Variants in SEMA4A observed in about 807,000 individuals in gnomAD.
The protein encoded by SEMA4A is semaphorin 4A, also known as semaphorin-4A.
Under a neutral mutation model 72.5 loss-of-function variants are expected in SEMA4A, and 52 were observed. The ratio of observed to expected loss-of-function variants is 0.72; its 90% CI spans 0.57 to 0.90. The LOEUF (loss-of-function observed/expected upper bound fraction) is 0.90. SEMA4A is among the 40% of genes least tolerant of loss of function. The pLI is 0.00. For missense variants in SEMA4A, 926 were observed against 959.7 expected (o/e 0.96, Z 0.46); for synonymous variants, 369 against 393.1 (o/e 0.94, Z 0.73).
rs1655441927 is a variant in SEMA4A, at chr1:156,177,199, A to G, written c.*202A>G. On this transcript the variant is annotated 3_prime_UTR_variant, in exon 15 of 15. Coordinates refer to ENST00000368285, the MANE Select transcript of SEMA4A (RefSeq NM_022367.4). ...CTCCCCTATGGGACTCCCTTCTACCAAGCACATGAGCTCTCTAACAGGGTG... is the reference window on the plus strand; with the variant it reads ...CTCCCCTATGGGACTCCCTTCTACCGAGCACATGAGCTCTCTAACAGGGTG... The G allele has an allele frequency of 7.8e-6, 5 of 644,868 alleles. No individual in the cohort carries two copies. The Admixed American group carries it at 1.1e-4, about 15-fold the overall frequency. The allele number at this position is 644,868 out of a possible 1,614,324, so 39.9% of individuals were successfully genotyped here.
intron 9 of SEMA4A, 23 bp downstream of exon 9, chr1:156,161,541 G>A (rs1247911972): frequency 1.2e-6 from 2 of 1,613,002 alleles, no homozygotes; most frequent in African/African-American, 2.7e-5. Flanking sequence ...GCTGGACCAT[G>A]GGGGCTGGAC....
chr1:156,176,955 T>C lies in SEMA4A; in HGVS notation c.2244T>C (p.Asp748=). The C allele has an allele frequency of 6.2e-7, 1 of 1,613,440 alleles. No individual in the cohort carries two copies. Among genetic ancestry groups the C allele is most frequent in the Non-Finnish European group, 8.5e-7 (1 of 1,180,042 alleles). The change falls in exon 15 of 15, where the codon GAT becomes GAC. Residue 748 remains aspartate, a synonymous_variant. Coordinates refer to ENST00000368285, the MANE Select transcript of SEMA4A (RefSeq NM_022367.4). ...AGGAATGCAGGACCTCTGCCAGTGA[T>C]GTGGACGCTGACAACAACTGCCTAG... is the stretch of plus-strand genomic sequence containing the variant. ...SPKECRTSAS[D]VDADNNCLGT...
intron 10 of SEMA4A, among the ~76,000 whole-genome samples, chr1:156,164,932 C>T (rs1654024330): frequency 6.6e-6 from 1 of 152,000 alleles, no homozygotes; most frequent in African/African-American, 2.4e-5. Context: ...TCCCGAGTAG[C>T]TGGGATTACA....
At chr1:156,147,757 G>T (rs886222842), upstream of SEMA4A, among the ~76,000 whole-genome samples, 1 of 152,142 alleles carries the variant, frequency 6.6e-6, no homozygotes, top group African/African-American at 2.4e-5. Flanking sequence ...CTCCCCACAG[G>T]TGGGGAAATT....
At chr1:156,151,418 AT>A (rs2102921982), upstream of SEMA4A, among the ~76,000 whole-genome samples, 1 of 152,270 alleles carries the variant, frequency 6.6e-6, no homozygotes, top group South Asian at 2.1e-4. Flanking sequence ...TGCCCTTCCT[AT>A]TGCTGTTTTT....
intron 10 of SEMA4A, among the ~76,000 whole-genome samples, chr1:156,165,907 C>T (rs138806109): frequency 3.1e-4 from 35 of 112,916 alleles, no homozygotes; most frequent in Middle Eastern, 5.6e-3. Flanking sequence ...TTCCTATCTT[C>T]TTTTTTTTTT....
intron 10 of SEMA4A, among the ~76,000 whole-genome samples, chr1:156,172,047 G>A (rs747372880): frequency 1.3e-5 from 2 of 151,608 alleles, no homozygotes; most frequent in Non-Finnish European, 2.9e-5. Context: ...GCCTCCCAAA[G>A]TGTTGGGATT....
At chr1:156,175,269 C>G in intron 13 of SEMA4A, 26 bp downstream of exon 13, 1 of 1,598,176 alleles carries the variant, frequency 6.3e-7, no homozygotes, top group Non-Finnish European at 8.5e-7. Context: ...GGATGGTGGC[C>G]TGGATGGCCA....
chr1:156,163,443 C>T lies in SEMA4A; in HGVS notation c.1134+349C>T, dbSNP rs1012403603. 33 of 316,368 alleles carry T rather than the reference C, an allele frequency of 1.0e-4. 2 individuals carry two copies. Among genetic ancestry groups the T allele is most frequent in the Middle Eastern group, 1.1e-3 (1 of 922 alleles). 19.6% of individuals were successfully genotyped at this position (316,368 alleles called of 1,614,324 possible). A position where few individuals can be genotyped will look rare whatever the true frequency, so the allele number is the denominator to read the frequency against. ...TTTTAAAAAAATCAGAGGCCAGGGC[C>T]GGGTGTGGTGGCTCACACCTGTAAT... On this transcript the variant is annotated intron_variant, in intron 10 of 14. Coordinates refer to ENST00000368285, the MANE Select transcript of SEMA4A (RefSeq NM_022367.4).
At chr1:156,174,690 G>C (rs1025378423) in intron 11 of SEMA4A, 132 bp from the exon 12 acceptor site, 2 of 987,054 alleles carry the variant, frequency 2.0e-6, no homozygotes, top group Admixed American at 3.9e-5. Context: ...GAAGGTGAAT[G>C]ATCTGGCTGA....
intron 13 of SEMA4A, 140 bp from the exon 14 acceptor site, chr1:156,175,416 T>C (rs1020898919): frequency 6.3e-6 from 7 of 1,114,376 alleles, no homozygotes; most frequent in Non-Finnish European, 9.5e-6. Flanking sequence ...TTGAAGCTGC[T>C]CTGGCCATTC....
At chr1:156,164,454 CT>C (rs1342555992) in intron 10 of SEMA4A, among the ~76,000 whole-genome samples, 3 of 152,160 alleles carry the variant, frequency 2.0e-5, no homozygotes, top group Non-Finnish European at 4.4e-5. Context: ...TTTTGCCCAT[CT>C]TTTTCCAAAT....
Position 156,161,516 on chromosome 1 carries a change from G to T in SEMA4A, c.981G>T (p.Gln327His). 1 of 1,613,934 alleles carries T rather than the reference G, an allele frequency of 6.2e-7. No individual in the cohort carries two copies. The change falls in exon 9 of 15, where the codon CAG becomes CAT. Residue 327 changes from glutamine (Q) to histidine (H), a missense_variant and splice_region_variant. By Grantham distance (24) the Gln-to-His change is conservative. Transcript: ENST00000368285. ...APHIYAVFTS[Q>H]WQVGGTRSSA... The stretch of plus-strand genomic sequence containing the variant: ...ACATCTACGCAGTCTTCACCTCCCA[G>T]TGGTGAGCAGCAGGGCTGGACCATG...
At chr1:156,160,870 C>T in intron 7 of SEMA4A, 35 bp from the exon 8 acceptor site, 1 of 1,613,142 alleles carries the variant, frequency 6.2e-7, no homozygotes, top group Non-Finnish European at 8.5e-7. Context: ...CATGCAGGGG[C>T]TCAGTCCCTA....
At chr1:156,172,683 G>A (rs954890317) in intron 10 of SEMA4A, 143 bp from the exon 11 acceptor site, 14 of 799,172 alleles carry the variant, frequency 1.8e-5, no homozygotes, top group Non-Finnish European at 2.8e-5. Context: ...CAATCAGGCA[G>A]CTCCAGAGTC....
At chr1:156,151,168 T>A (rs1261589251), upstream of SEMA4A, among the ~76,000 whole-genome samples, 2 of 152,196 alleles carry the variant, frequency 1.3e-5, no homozygotes, top group East Asian at 3.9e-4. Flanking sequence ...TGGGGCCCAG[T>A]GCAAAATAAA....
rs1653546744 is a variant in SEMA4A, at chr1:156,160,952, T to C, written c.733T>C (p.Phe245Leu). 6.2e-7 allele frequency: 1 copy of C among 1,612,652 alleles called. No homozygotes were observed. The highest frequency in any genetic ancestry group is 1.7e-5 in the Admixed American group (1 of 59,884). Residue 245 changes from phenylalanine to leucine, a missense_variant, in exon 8 of 15, where the codon TTC becomes CTC. Transcript: ENST00000368285. ...CATCCCTTCGACCCAGGTCGTCTACTTCTTCTTCGAGGAGACAGCCAGCGA... is the reference window on the plus strand; with the variant it reads ...CATCCCTTCGACCCAGGTCGTCTACCTCTTCTTCGAGGAGACAGCCAGCGA... ...AAIPSTQVVY[F>L]FFEETASEFD...
rs1333405900 is a variant in SEMA4A at position 156,156,555 on chromosome 1, TC to T, written c.285del (p.Arg96GlyfsTer2). 6 of 1,613,422 alleles carry T rather than the reference TC, an allele frequency of 3.7e-6. No homozygotes were observed. In the African/African-American group the frequency reaches 5.4e-5, roughly 14 times the overall value. ...ILALDIQDPG[V>X]PRLKNMIPWP... ...GCCTTGGATATCCAGGATCCAGGGG[TC>T]CCCAGGCTAAAGAACATGGTGAGGA... On this transcript the variant is annotated frameshift_variant, in exon 3 of 15. Coordinates refer to ENST00000368285, the MANE Select transcript of SEMA4A (RefSeq NM_022367.4). LOFTEE classifies it high-confidence loss of function.
At chr1:156,161,589 G>A (rs1258336853) in intron 9 of SEMA4A, 71 bp downstream of exon 9, 10 of 1,558,280 alleles carry the variant, frequency 6.4e-6, no homozygotes, top group East Asian at 2.3e-5. Context: ...GCTCGTGAGC[G>A]GAGGCAGGAA....
Sources: gnomAD v4.1 joint callset for allele counts (sites outside exome capture counted in the v4.1 genomes callset) on GRCh38, gnomAD v4.1.1 for gene constraint, MANE v1.5 for transcripts, NCBI Gene and HGNC (gene_info 2026-07-23, HGNC 2026-07-21) for gene names.